The following ERP44 variants were observed in gnomAD, a reference collection of about 807,000 sequenced individuals.
ERP44 encodes endoplasmic reticulum protein 44, also known as endoplasmic reticulum resident protein 44.
ERP44 carries 25 observed loss-of-function variants against 53.4 expected under a neutral mutation model. That is an observed-to-expected ratio of 0.47 (90% CI 0.34 to 0.65). The LOEUF (loss-of-function observed/expected upper bound fraction) is 0.65, where lower values mean the gene tolerates loss of function less well. Ranked by LOEUF, ERP44 falls within the 30% of genes least tolerant of loss-of-function variation. The probability of loss-of-function intolerance (pLI) is 0.01; values close to 1 mark genes in which losing one functional copy is unlikely to be tolerated. For synonymous variants in ERP44, 145 were observed against 161.2 expected (o/e 0.90, Z 0.76); for missense variants, 338 against 493.2 (o/e 0.69, Z 2.98).
chr9:100,020,681 G>A lies in ERP44; in HGVS notation c.522C>T (p.Asn174=), dbSNP rs1830578482. ...TCGCTACTCGTTCAAAAACTCTATA[G>A]TTGTCCGAGTCCTTTTGCTCAAAAT... ...IGYFEQKDSD[N]YRVFERVANI... is the part of the protein sequence containing the mutation. Residue 174 remains asparagine (N), a synonymous_variant, in exon 6 of 12, where the codon AAC becomes AAT. Coordinates refer to ENST00000262455, the MANE Select transcript of ERP44 (RefSeq NM_015051.3). The A allele has an allele frequency of 3.7e-6, 6 of 1,610,612 alleles. No individual in the cohort carries two copies. Among genetic ancestry groups the A allele is most frequent in the Non-Finnish European group, 5.1e-6 (6 of 1,177,326 alleles).
chr9:99,994,153 T>C (rs959443542), intron 10 of ERP44, among the ~76,000 whole-genome samples: 16 of 152,206 alleles, frequency 1.1e-4, no homozygotes, highest in African/African-American at 3.9e-4. Context: ...CATTACTGGG[T>C]ATATACCCAA....
chr9:100,057,917 C>CTGTATGTTT, intron 2 of ERP44, 58 bp from the exon 3 acceptor site: 1 of 1,279,088 alleles, frequency 7.8e-7, no homozygotes, highest in Non-Finnish European at 1.1e-6. Flanking sequence ...CATAATTAAA[C>CTGTATGTTT]ATACAGTTTC....
At chr9:100,033,821 C>T (rs1008812901) in intron 4 of ERP44, among the ~76,000 whole-genome samples, 7 of 152,104 alleles carry the variant, frequency 4.6e-5, no homozygotes, top group Non-Finnish European at 8.8e-5. Flanking sequence ...GAATGGCCCT[C>T]GACATATCAA....
chr9:100,070,058 T>C (rs571164423), intron 1 of ERP44, among the ~76,000 whole-genome samples: 1 of 152,336 alleles, frequency 6.6e-6, no homozygotes, highest in African/African-American at 2.4e-5. Context: ...AATCACCACA[T>C]TTTGCTCTTC....
chr9:99,998,707 C>T (rs754956294), intron 10 of ERP44: 16 of 723,334 alleles, frequency 2.2e-5, no homozygotes, highest in South Asian at 7.8e-5. Context: ...CAATTTTCTT[C>T]GGTTTATCTC....
At chr9:99,983,897 T>C (rs1035560213) in intron 11 of ERP44, among the ~76,000 whole-genome samples, 7 of 152,208 alleles carry the variant, frequency 4.6e-5, no homozygotes, top group Non-Finnish European at 7.3e-5. Context: ...TACACAAAGA[T>C]GAACAAATGT....
chr9:100,085,994 T>A (rs949477606), intron 1 of ERP44, among the ~76,000 whole-genome samples: 1 of 152,366 alleles, frequency 6.6e-6, no homozygotes, highest in Admixed American at 6.5e-5. Flanking sequence ...TACTCTTTCC[T>A]TACTAAATTC....
At chr9:100,092,429 T>A (rs1826569721) in intron 1 of ERP44, among the ~76,000 whole-genome samples, 1 of 152,194 alleles carries the variant, frequency 6.6e-6, no homozygotes, top group Non-Finnish European at 1.5e-5. Flanking sequence ...ACACAAAGAA[T>A]CATTGAATCA....
chr9:99,998,982 G>T, intron 10 of ERP44: 1 of 1,382,238 alleles, frequency 7.2e-7, no homozygotes, highest in South Asian at 1.2e-5. Context: ...ATCTCAGGTC[G>T]GCGGCAAAGA....
intron 10 of ERP44, among the ~76,000 whole-genome samples, chr9:99,988,827 C>T (rs1050743439): frequency 6.6e-6 from 1 of 152,212 alleles, no homozygotes; most frequent in Non-Finnish European, 1.5e-5. Context: ...CATTCCCACC[C>T]AAATACTGCG....
chr9:99,992,060 G>A (rs1484779551), intron 10 of ERP44, among the ~76,000 whole-genome samples: 2 of 152,128 alleles, frequency 1.3e-5, no homozygotes, highest in Non-Finnish European at 2.9e-5. Flanking sequence ...AGGACCAGAC[G>A]GATTCACAGC....
At chr9:100,083,928 A>T (rs1447052631) in intron 1 of ERP44, among the ~76,000 whole-genome samples, 3 of 152,186 alleles carry the variant, frequency 2.0e-5, no homozygotes, top group Non-Finnish European at 2.9e-5. Flanking sequence ...TGTCCCTTAA[A>T]TGTAGATATT....
chr9:100,083,444 T>C (rs930079411), intron 1 of ERP44, among the ~76,000 whole-genome samples: 1 of 152,108 alleles, frequency 6.6e-6, no homozygotes, highest in Non-Finnish European at 1.5e-5. Context: ...GGGGTTGATA[T>C]CAGCTACAGC....
intron 4 of ERP44, among the ~76,000 whole-genome samples, chr9:100,032,882 C>T (rs533953831): frequency 1.3e-4 from 20 of 152,282 alleles, no homozygotes; most frequent in East Asian, 1.9e-4. Context: ...CTGAAATGTT[C>T]GTGACTATTA....
chr9:99,997,424 AT>A (rs1390080462), intron 10 of ERP44, among the ~76,000 whole-genome samples: 2 of 151,972 alleles, frequency 1.3e-5, no homozygotes, highest in Non-Finnish European at 2.9e-5. Flanking sequence ...CAAAATTTTT[AT>A]TTAATAAATG....
rs914905739 is a variant in ERP44, at chr9:99,982,554, T to G, written c.*58A>C. 35 of 769,014 alleles carry G rather than the reference T, an allele frequency of 4.6e-5. No homozygotes were observed. Among genetic ancestry groups the G allele is most frequent in the Middle Eastern group, 5.1e-4 (2 of 3,884 alleles). The allele number at this position is 769,014 out of a possible 1,614,324, so 47.6% of individuals were successfully genotyped here. A position where few individuals can be genotyped will look rare whatever the true frequency, so the allele number is the denominator to read the frequency against. ...GAATTATGAAAATATAGGTTTACTA[T>G]TTCCACCACGTAGGTTGATGCTGCT... is the stretch of plus-strand genomic sequence containing the variant. On this transcript the variant is annotated 3_prime_UTR_variant, in exon 12 of 12. Coordinates refer to ENST00000262455, the MANE Select transcript of ERP44 (RefSeq NM_015051.3).
intron 4 of ERP44, among the ~76,000 whole-genome samples, chr9:100,025,436 G>C (rs1830641455): frequency 6.6e-6 from 1 of 152,108 alleles, no homozygotes; most frequent in Non-Finnish European, 1.5e-5. Flanking sequence ...AATAAAGCTG[G>C]ATTTAGTCTA....
chr9:100,031,032 C>T (rs917260206), intron 4 of ERP44, among the ~76,000 whole-genome samples: 2 of 152,206 alleles, frequency 1.3e-5, no homozygotes, highest in East Asian at 1.9e-4. Flanking sequence ...GCTACTGTAG[C>T]GAATCTGGTG....
chr9:100,097,968 C>T (rs899966341), intron 1 of ERP44, among the ~76,000 whole-genome samples: 4 of 152,130 alleles, frequency 2.6e-5, no homozygotes, highest in Non-Finnish European at 5.9e-5. Context: ...TAAATATAAG[C>T]CATTTTGCCA....
Sources: gnomAD v4.1 joint callset for allele counts (sites outside exome capture counted in the v4.1 genomes callset) on GRCh38, gnomAD v4.1.1 for gene constraint, MANE v1.5 for transcripts, NCBI Gene and HGNC (gene_info 2026-07-23, HGNC 2026-07-21) for gene names.